The following VASH2 variants were observed in gnomAD, a reference collection of about 807,000 sequenced individuals.
VASH2 encodes vasohibin 2, also known as tubulinyl-Tyr carboxypeptidase 2.
A neutral mutation model predicts 37.2 loss-of-function variants in VASH2; 28 were observed. That is an observed-to-expected ratio of 0.75 (90% CI 0.56 to 1.03). The LOEUF (loss-of-function observed/expected upper bound fraction) is 1.03. VASH2 is among the 50% of genes least tolerant of loss of function. VASH2 has a pLI of 0.00. For synonymous variants in VASH2, 188 were observed against 174.7 expected (o/e 1.08, Z -0.60); for missense variants, 419 against 459.1 (o/e 0.91, Z 0.80).
rs1465439022 is a variant in VASH2, at chr1:212,969,400, G to A, written c.497+3055G>A. 3.3e-5 allele frequency among the ~76,000 whole-genome samples: 5 copies of A among 152,212 alleles called. No homozygotes were observed. In the East Asian group the frequency reaches 9.7e-4, roughly 29 times the overall value. ...TTTAGTAGAGACAGGGTTTCACTGT[G>A]TTAGCCAGGATGGTCTCAATCTGCT... is the stretch of plus-strand genomic sequence containing the variant. On this transcript the variant is annotated intron_variant, in intron 5 of 7. Transcript: ENST00000517399.
At chr1:212,979,924 C>A (rs1667292247) in intron 7 of VASH2, among the ~76,000 whole-genome samples, 1 of 152,218 alleles carries the variant, frequency 6.6e-6, no homozygotes, top group African/African-American at 2.4e-5. Context: ...CCCCGGGCCT[C>A]AGAACCCTTG....
Position 212,951,826 on chromosome 1 carries a change from G to T in VASH2, c.276+8G>T. The T allele has an allele frequency of 6.3e-7, 1 of 1,597,744 alleles. No homozygotes were observed. ...GCCGCCTTCTTGGCAAAGGTCAGTG[G>T]CTTCCAGGGCGGAGTTGGGGGGCTG... On this transcript the variant is annotated splice_region_variant and intron_variant, in intron 2 of 7. Transcript: ENST00000517399. The surrounding 1 kb of genome is among the most constrained non-coding windows in gnomAD (Gnocchi z 4.4).
At chr1:212,985,125 G>A (rs1572084041) in intron 7 of VASH2, among the ~76,000 whole-genome samples, 2 of 150,946 alleles carry the variant, frequency 1.3e-5, no homozygotes, top group Admixed American at 1.3e-4. Flanking sequence ...AGGTTCAAGC[G>A]ATCCTCCCAT....
intron 2 of VASH2, among the ~76,000 whole-genome samples, chr1:212,958,572 G>C (rs1666568151): frequency 6.6e-6 from 1 of 152,196 alleles, no homozygotes; most frequent in South Asian, 2.1e-4. Flanking sequence ...CTTGAACCAA[G>C]TCACTGGTTA....
At chr1:212,972,433 A>T in intron 5 of VASH2, 147 bp from the exon 6 acceptor site, 1 of 898,242 alleles carries the variant, frequency 1.1e-6, no homozygotes, top group Non-Finnish European at 1.7e-6. Context: ...ATCCTTTATA[A>T]AAGGATTAGT....
chr1:212,990,608 A>G lies in VASH2; in HGVS notation c.*2024A>G, dbSNP rs750079270. ...AATACAGAATGTCAAATGGTTGCAT[A>G]GCTTGTTTCCCACAACAAGGAGGAA... On this transcript the variant is annotated 3_prime_UTR_variant, in exon 8 of 8. Coordinates refer to ENST00000517399, the MANE Select transcript of VASH2 (RefSeq NM_001301056.2). The G allele has an allele frequency of 5.9e-5, 9 of 152,240 alleles. No individual in the cohort carries two copies. The highest frequency in any genetic ancestry group is 1.3e-4 in the Non-Finnish European group (9 of 68,046). 9.4% of individuals were successfully genotyped at this position (152,240 alleles called of 1,614,324 possible). A position where few individuals can be genotyped will look rare whatever the true frequency, so the allele number is the denominator to read the frequency against.
chr1:212,988,820 C>A lies in VASH2; in HGVS notation c.*236C>A. 1 of 508,854 alleles carries A rather than the reference C, an allele frequency of 2.0e-6. No homozygotes were observed. The highest frequency in any genetic ancestry group is 3.6e-6 in the Non-Finnish European group (1 of 281,024). 31.5% of individuals were successfully genotyped at this position (508,854 alleles called of 1,614,324 possible). A position where few individuals can be genotyped will look rare whatever the true frequency, so the allele number is the denominator to read the frequency against. On this transcript the variant is annotated 3_prime_UTR_variant, in exon 8 of 8. Transcript: ENST00000517399. The stretch of plus-strand genomic sequence containing the variant: ...CTGGGGTTGGACTATGTCCCTCACT[C>A]AAGATCTTAAGGATAACCGTAACTG...
chr1:212,976,839 C>G (rs956415952), intron 7 of VASH2, among the ~76,000 whole-genome samples: 1 of 152,120 alleles, frequency 6.6e-6, no homozygotes, highest in Non-Finnish European at 1.5e-5. Context: ...AGGGAGTGGT[C>G]GCCTGAGGTC....
chr1:212,968,091 G>A (rs776276223), intron 5 of VASH2: 194 of 560,496 alleles, frequency 3.5e-4, no homozygotes, highest in Non-Finnish European at 4.3e-4. Context: ...ATCGGATTTA[G>A]GGAAAGATGA....
intron 5 of VASH2, chr1:212,967,179 C>CG (rs1666877950): frequency 2.3e-6 from 3 of 1,304,206 alleles, no homozygotes; most frequent in Non-Finnish European, 3.0e-6. Flanking sequence ...ACCAGACTCC[C>CG]GGCTCTTCAG....
At chr1:212,979,245 T>C (rs1231344578) in intron 7 of VASH2, among the ~76,000 whole-genome samples, 3 of 152,226 alleles carry the variant, frequency 2.0e-5, no homozygotes, top group Admixed American at 6.5e-5. Context: ...GCCTTTTCTC[T>C]AGGTAATCTT....
chr1:212,978,701 G>GT (rs1043534601), intron 7 of VASH2, among the ~76,000 whole-genome samples: 11 of 152,198 alleles, frequency 7.2e-5, no homozygotes, highest in Non-Finnish European at 1.0e-4. Flanking sequence ...AGTCTTTGCG[G>GT]TTTTTTTTCC....
chr1:212,964,887 C>T lies in VASH2; in HGVS notation c.366-835C>T, dbSNP rs541997214. ...CATGTATTCCTCATTCATTTAGTAA[C>T]ATTTGTTAACTTGCATATGTTGGGT... is the stretch of plus-strand genomic sequence containing the variant. On this transcript the variant is annotated intron_variant, in intron 3 of 7. Transcript: ENST00000517399. Among the ~76,000 whole-genome samples, 4 of 151,596 alleles carry T rather than the reference C, an allele frequency of 2.6e-5. No homozygotes were observed. In the South Asian group the frequency reaches 8.3e-4, roughly 32 times the overall value.
chr1:212,953,899 C>T (rs1290433507), intron 2 of VASH2, among the ~76,000 whole-genome samples: 1 of 152,048 alleles, frequency 6.6e-6, no homozygotes. Flanking sequence ...GCTCCTTTTG[C>T]CCTTTTTCTT....
intron 6 of VASH2, among the ~76,000 whole-genome samples, chr1:212,973,178 C>G (rs996089499): frequency 6.6e-6 from 1 of 152,174 alleles, no homozygotes; most frequent in South Asian, 2.1e-4. Flanking sequence ...TCTATGAAAT[C>G]AGATCTAAAG....
At chr1:212,968,303 A>G (rs1666910059) in intron 5 of VASH2, 1 of 985,348 alleles carries the variant, frequency 1.0e-6, no homozygotes, top group East Asian at 1.1e-4. Flanking sequence ...TTTGGCACAA[A>G]GAGCCCATGA....
At chr1:212,968,615 C>T in intron 5 of VASH2, 1 of 985,520 alleles carries the variant, frequency 1.0e-6, no homozygotes, top group African/African-American at 1.7e-5. Context: ...ATCCTCCTCC[C>T]TGTTTCCCAC....
At chr1:212,967,071 T>C (rs1383629469) in intron 5 of VASH2, 1 of 1,299,646 alleles carries the variant, frequency 7.7e-7, no homozygotes, top group Non-Finnish European at 1.0e-6. Context: ...AAGAGTGGCG[T>C]GTGGAGGAGA....
chr1:212,975,082 C>G (rs1413601120), intron 7 of VASH2, among the ~76,000 whole-genome samples: 1 of 152,200 alleles, frequency 6.6e-6, no homozygotes, highest in Admixed American at 6.5e-5. Flanking sequence ...GTTTTGTTTT[C>G]AGGTGAAGAA....
Sources: allele counts gnomAD v4.1 joint callset (sites outside exome capture counted in the v4.1 genomes callset), GRCh38; gene constraint gnomAD v4.1.1; non-coding constraint Gnocchi (gnomAD v3.1); transcripts MANE v1.5; gene names NCBI Gene and HGNC (gene_info 2026-07-23, HGNC 2026-07-21).